MROH1: variants seen among roughly 807,000 people sequenced by gnomAD.
The protein encoded by MROH1 is maestro heat like repeat family member 1.
Under a neutral mutation model 116.5 loss-of-function variants are expected in MROH1, and 117 were observed. The observed-to-expected ratio is 1.00, with a 90% CI of 0.86 to 1.17. The LOEUF is 1.17. MROH1 is among the 50% of genes most tolerant of loss of function. The pLI is 0.00. For missense variants in MROH1, 1,873 were observed against 1,338.5 expected (o/e 1.40, Z -6.23); for synonymous variants, 921 against 583.9 (o/e 1.58, Z -8.32).
chr8:144,223,664 G>A (rs1837266690), intron 14 of MROH1, among the ~76,000 whole-genome samples: 1 of 152,200 alleles, frequency 6.6e-6, no homozygotes, highest in East Asian at 1.9e-4. Context: ...CTGTACAAAT[G>A]CCAATTTCTT....
rs557535828 is a variant in MROH1 at position 144,232,586 on chromosome 8, C to T, written c.1339-6170C>T. Among the ~76,000 whole-genome samples the T allele has an allele frequency of 1.6e-3, 246 of 151,896 alleles. 1 individual carries two copies. Among genetic ancestry groups the T allele is most frequent in the African/African-American group, 5.6e-3 (231 of 41,484 alleles). Reference sequence around the variant, plus strand: ...TCAGCTCACGGCAACCTCCGCCTCCCGGGTTCATGCCATTCTCCTGCCTCA... The same window carrying T: ...TCAGCTCACGGCAACCTCCGCCTCCTGGGTTCATGCCATTCTCCTGCCTCA... On this transcript the variant is annotated intron_variant, in intron 14 of 43. Transcript: ENST00000326134.
In MROH1 at chr8:144,239,748, C is replaced by A; in HGVS notation, c.1767C>A (p.Tyr589Ter). The A allele has an allele frequency of 1.4e-6, 1 of 717,818 alleles. No homozygotes were observed. Among genetic ancestry groups the A allele is most frequent in the Non-Finnish European group, 2.6e-6 (1 of 385,282 alleles). 44.5% of individuals were successfully genotyped at this position (717,818 alleles called of 1,614,324 possible). Residue 589 changes from tyrosine to a stop codon, truncating the protein, a stop_gained, in exon 18 of 44, where the codon TAC (tyrosine) becomes TAA (stop). Transcript: ENST00000326134. LOFTEE classifies it high-confidence loss of function. ...WETTVPLLLG[Y>*]LDEHTEETLP... ...CGACTGTCCCGCTGCTGCTGGGGTA[C>A]CTGGATGGTGAGGCCAGGGTCAGGA...
chr8:144,260,500 G>C (rs983263170), intron 39 of MROH1, 126 bp downstream of exon 39: 22 of 705,538 alleles, frequency 3.1e-5, no homozygotes, highest in Non-Finnish European at 4.9e-5. Flanking sequence ...TGGAGAGCGC[G>C]GACCTGCAGG....
In MROH1 at chr8:144,180,378, G is replaced by C; in HGVS notation, c.463+38G>C. The C allele has an allele frequency of 6.2e-7, 1 of 1,609,980 alleles. No homozygotes were observed. Among genetic ancestry groups the C allele is most frequent in the Non-Finnish European group, 8.5e-7 (1 of 1,178,966 alleles). On this transcript the variant is annotated intron_variant, in intron 6 of 43. Coordinates refer to ENST00000326134, the MANE Select transcript of MROH1 (RefSeq NM_032450.3). The surrounding 1 kb of genome is among the most constrained non-coding windows in gnomAD (Gnocchi z 7.4). ...CGGCCTGCCCCAGGAGGAGCACGGG[G>C]CGCTGGAAGCCTTGGCGGAGGCCTT...
At chr8:144,160,528 A>G (rs1366956192) in intron 1 of MROH1, among the ~76,000 whole-genome samples, 1 of 152,244 alleles carries the variant, frequency 6.6e-6, no homozygotes, top group Non-Finnish European at 1.5e-5. Context: ...CAAATTTATT[A>G]CCATAAAGTT....
intron 14 of MROH1, among the ~76,000 whole-genome samples, chr8:144,228,411 T>G (rs925957335): frequency 6.6e-6 from 1 of 152,196 alleles, no homozygotes. Flanking sequence ...GCCTTGATAT[T>G]GATAGCTGCT....
chr8:144,202,606 CAG>C (rs1302142565), intron 12 of MROH1, among the ~76,000 whole-genome samples: 3 of 37,648 alleles, frequency 8.0e-5, no homozygotes, highest in African/African-American at 1.1e-4. Context: ...GAGGGAAGCG[CAG>C]GCTCTCTGTG....
chr8:144,249,767 C>T (rs1434076756), intron 32 of MROH1, among the ~76,000 whole-genome samples: 12 of 152,336 alleles, frequency 7.9e-5, no homozygotes, highest in African/African-American at 2.4e-4. Context: ...AATCTGTCTC[C>T]TTCTCCCTTC....
At chr8:144,172,303 T>G (rs540783484) in intron 4 of MROH1, among the ~76,000 whole-genome samples, 1 of 152,334 alleles carries the variant, frequency 6.6e-6, no homozygotes, top group South Asian at 2.1e-4. Flanking sequence ...GGCTGCTATC[T>G]GGAGGCTTCA....
chr8:144,209,556 G>A (rs1392791073), intron 12 of MROH1, among the ~76,000 whole-genome samples: 1 of 147,148 alleles, frequency 6.8e-6, no homozygotes, highest in Non-Finnish European at 1.5e-5. Flanking sequence ...TCCAGCCTGG[G>A]CGACAGAGTG....
rs1825450431 is a variant in MROH1, at chr8:144,180,883, G to C, written c.562+360G>C. On this transcript the variant is annotated intron_variant, in intron 7 of 43. Transcript: ENST00000326134. This position sits in a 1 kb window ranked among gnomAD's most constrained non-coding sequence, Gnocchi z 7.4. ...CTCTCTGGGCATCCCAGGACCCAGG[G>C]GATGGGGGCACATTCATTCACCCCC... Among the ~76,000 whole-genome samples the C allele has an allele frequency of 6.6e-6, 1 of 152,112 alleles. No homozygotes were observed. Among genetic ancestry groups the C allele is most frequent in the African/African-American group, 2.4e-5 (1 of 41,416 alleles).
Position 144,223,162 on chromosome 8 carries a change from G to T in MROH1, c.1270G>T (p.Glu424Ter). 1 of 1,612,704 alleles carries T rather than the reference G, an allele frequency of 6.2e-7. No individual in the cohort carries two copies. Among genetic ancestry groups the T allele is most frequent in the Non-Finnish European group, 8.5e-7 (1 of 1,179,496 alleles). The change falls in exon 14 of 44, where the codon GAG (glutamate) becomes TAG (stop). Residue 424 changes from glutamate to a stop codon, truncating the protein, a stop_gained. Transcript: ENST00000326134. LOFTEE classifies it high-confidence loss of function. ...ISAMAHHGYL[E>*]QPGGEAMIEY... is the part of the protein sequence containing the mutation. ...CGCCATGGCCCACCACGGCTACCTG[G>T]AGCAGCCTGGAGGTGAGGCGATGAT...
intron 12 of MROH1, among the ~76,000 whole-genome samples, chr8:144,218,368 A>G (rs939101918): frequency 1.3e-5 from 2 of 151,898 alleles, no homozygotes; most frequent in Non-Finnish European, 1.5e-5. Context: ...CCTTACTCCC[A>G]TGAGGTTTTG....
Position 144,255,781 on chromosome 8 carries a change from G to T in MROH1, c.3791+76G>T, listed in dbSNP as rs917026603. The stretch of plus-strand genomic sequence containing the variant: ...ATGCGTGTGCACGCGCGTGGTGGGG[G>T]CGGACGGCAGATCTGAACCACGGGG... On this transcript the variant is annotated intron_variant, in intron 35 of 43. Coordinates refer to ENST00000326134, the MANE Select transcript of MROH1 (RefSeq NM_032450.3). 3 of 685,648 alleles carry T rather than the reference G, an allele frequency of 4.4e-6. No homozygotes were observed. In the African/African-American group the frequency reaches 5.3e-5, roughly 12 times the overall value. 42.5% of individuals were successfully genotyped at this position (685,648 alleles called of 1,614,324 possible).
chr8:144,175,747 C>T (rs1051527562), intron 4 of MROH1, among the ~76,000 whole-genome samples: 3 of 151,910 alleles, frequency 2.0e-5, no homozygotes, highest in African/African-American at 4.8e-5. Flanking sequence ...AACACAGACC[C>T]CATCTCTAAA....
At chr8:144,159,518 C>G (rs1818969155) in intron 1 of MROH1, among the ~76,000 whole-genome samples, 1 of 152,150 alleles carries the variant, frequency 6.6e-6, no homozygotes, top group African/African-American at 2.4e-5. Context: ...TCTAGTTTGT[C>G]TAATGTGACT....
chr8:144,243,790 G>C (rs1841412408), intron 25 of MROH1, 73 bp from the exon 26 acceptor site: 1 of 745,132 alleles, frequency 1.3e-6, no homozygotes, highest in Middle Eastern at 2.4e-4. Flanking sequence ...ACTTAGGCTG[G>C]GGGACAGAGC....
At chr8:144,153,449 G>A (rs925994234) in intron 1 of MROH1, among the ~76,000 whole-genome samples, 34 of 152,112 alleles carry the variant, frequency 2.2e-4, no homozygotes, top group African/African-American at 4.1e-4. Flanking sequence ...CACCTGCTTC[G>A]GCCTCCCAAA....
intron 7 of MROH1, among the ~76,000 whole-genome samples, chr8:144,185,381 G>A (rs1256761314): frequency 6.6e-6 from 1 of 151,926 alleles, no homozygotes; most frequent in Non-Finnish European, 1.5e-5. Flanking sequence ...TTGGCAAAAC[G>A]TTATGTTTTA....
Sources: allele counts gnomAD v4.1 joint callset (sites outside exome capture counted in the v4.1 genomes callset), GRCh38; gene constraint gnomAD v4.1.1; non-coding constraint Gnocchi (gnomAD v3.1); transcripts MANE v1.5; gene names NCBI Gene and HGNC (gene_info 2026-07-23, HGNC 2026-07-21).